Variants in KCNK2 observed in about 807,000 individuals in gnomAD.
The protein encoded by KCNK2 is potassium two pore domain channel subfamily K member 2, also known as potassium channel subfamily K member 2.
Under a neutral mutation model 40.5 loss-of-function variants are expected in KCNK2, and 21 were observed. That is an observed-to-expected ratio of 0.52 (90% CI 0.37 to 0.75). The LOEUF (loss-of-function observed/expected upper bound fraction) is 0.75. Ranked by LOEUF, KCNK2 falls within the 30% of genes least tolerant of loss-of-function variation. The pLI, the probability that KCNK2 is intolerant of heterozygous loss-of-function variation, is 0.00. For synonymous variants in KCNK2, 191 were observed against 202.2 expected (o/e 0.94, Z 0.47); for missense variants, 399 against 531.6 (o/e 0.75, Z 2.45).
intron 6 of KCNK2, among the ~76,000 whole-genome samples, chr1:215,201,884 C>G (rs2102673811): frequency 6.6e-6 from 1 of 152,096 alleles, no homozygotes; most frequent in South Asian, 2.1e-4. Context: ...TTCTTCCCAC[C>G]CTCCATCACT....
intron 1 of KCNK2, among the ~76,000 whole-genome samples, chr1:215,031,917 A>G (rs1657204953): frequency 6.6e-6 from 1 of 152,188 alleles, no homozygotes; most frequent in South Asian, 2.1e-4. Flanking sequence ...CTTTCAAATA[A>G]CATTATACTA....
At chr1:215,114,330 A>G (rs1660829024) in intron 2 of KCNK2, among the ~76,000 whole-genome samples, 1 of 152,078 alleles carries the variant, frequency 6.6e-6, no homozygotes, top group Non-Finnish European at 1.5e-5. Context: ...TTCAGCGCTG[A>G]TGGTTGTGGT....
rs758655657 is a variant in KCNK2, at chr1:215,083,319, G to A, written c.-67G>A. 3.7e-6 allele frequency: 6 copies of A among 1,610,586 alleles called. No homozygotes were observed. The South Asian group carries it at 6.6e-5, about 18-fold the overall frequency. ...TCTCTGAATAAGAAGTGAGTACAAT[G>A]GCGTGTTTGTAAAAAAAAGCTTCAA... On this transcript the variant is annotated 5_prime_UTR_variant, in exon 1 of 7. It removes an upstream start codon present in the reference 5' UTR. Coordinates refer to ENST00000444842, the MANE Select transcript of KCNK2 (RefSeq NM_001017425.3).
intron 3 of KCNK2, among the ~76,000 whole-genome samples, chr1:215,135,557 C>T (rs1341242350): frequency 6.6e-6 from 1 of 151,180 alleles, no homozygotes; most frequent in Non-Finnish European, 1.5e-5. Context: ...AATTCATACC[C>T]CTAATTTTTA....
intron 3 of KCNK2, among the ~76,000 whole-genome samples, chr1:215,138,202 G>GA (rs1214070789): frequency 2.6e-5 from 4 of 152,082 alleles, no homozygotes; most frequent in Non-Finnish European, 4.4e-5. Flanking sequence ...CTAAAAATAA[G>GA]AAAATCTCAT....
At chr1:215,149,674 G>T (rs893885945) in intron 3 of KCNK2, among the ~76,000 whole-genome samples, 1 of 152,208 alleles carries the variant, frequency 6.6e-6, no homozygotes, top group Admixed American at 6.5e-5. Flanking sequence ...CTAATCAGAA[G>T]TTAACTCAAT....
intron 1 of KCNK2, among the ~76,000 whole-genome samples, chr1:215,050,354 G>T (rs535020258): frequency 6.6e-6 from 1 of 152,102 alleles, no homozygotes; most frequent in African/African-American, 2.4e-5. Context: ...TTCCGAACTC[G>T]AAGATTTCTT....
intron 3 of KCNK2, among the ~76,000 whole-genome samples, chr1:215,132,410 A>G (rs1466446109): frequency 6.6e-6 from 1 of 152,140 alleles, no homozygotes; most frequent in Non-Finnish European, 1.5e-5. Flanking sequence ...AGTCTCTTGC[A>G]TGTTCTCAGA....
intron 2 of KCNK2, among the ~76,000 whole-genome samples, chr1:215,089,637 G>C (rs1659607462): frequency 6.6e-6 from 1 of 152,074 alleles, no homozygotes; most frequent in African/African-American, 2.4e-5. Flanking sequence ...AAGCATGTGT[G>C]TATGTACTAA....
chr1:215,156,308 G>A (rs1391758311), intron 3 of KCNK2, among the ~76,000 whole-genome samples: 1 of 152,188 alleles, frequency 6.6e-6, no homozygotes, highest in Non-Finnish European at 1.5e-5. Context: ...CCTCCTGTTA[G>A]ATGATCCCCT....
At chr1:215,064,689 C>A (rs188498352) in intron 1 of KCNK2, among the ~76,000 whole-genome samples, 69 of 152,246 alleles carry the variant, frequency 4.5e-4, no homozygotes, top group African/African-American at 1.4e-3. Flanking sequence ...CTAAGAGTAT[C>A]GTCTTCAGGG....
At chr1:215,116,643 T>C (rs1298564752) in intron 2 of KCNK2, among the ~76,000 whole-genome samples, 2 of 152,098 alleles carry the variant, frequency 1.3e-5, no homozygotes, top group African/African-American at 2.4e-5. Context: ...GAAGGAAATA[T>C]ATCAGAAGGT....
chr1:215,127,101 A>G (rs1661471720), intron 3 of KCNK2, among the ~76,000 whole-genome samples: 1 of 152,230 alleles, frequency 6.6e-6, no homozygotes, highest in African/African-American at 2.4e-5. Context: ...TATGACCTTT[A>G]GCAATAGCTG....
chr1:215,203,272 G>T (rs1665153555), intron 6 of KCNK2, among the ~76,000 whole-genome samples: 1 of 152,176 alleles, frequency 6.6e-6, no homozygotes, highest in African/African-American at 2.4e-5. Flanking sequence ...GAGGCCAACA[G>T]AACTGAGATT....
chr1:215,126,099 C>T (rs1233912833), intron 3 of KCNK2, among the ~76,000 whole-genome samples: 1 of 151,966 alleles, frequency 6.6e-6, no homozygotes, highest in Admixed American at 6.6e-5. Context: ...ACATGTATAA[C>T]ATTTTCATAT....
intron 2 of KCNK2, among the ~76,000 whole-genome samples, chr1:215,092,209 G>A (rs1377963809): frequency 6.6e-6 from 1 of 152,110 alleles, no homozygotes; most frequent in Non-Finnish European, 1.5e-5. Flanking sequence ...AGCTAATAGG[G>A]TTTGCTGATT....
chr1:215,064,281 A>AT (rs1177155434), intron 1 of KCNK2, among the ~76,000 whole-genome samples: 1 of 151,750 alleles, frequency 6.6e-6, no homozygotes, highest in Non-Finnish European at 1.5e-5. Context: ...ATTTTCAACA[A>AT]TTTTTTGTGC....
chr1:215,088,001 G>A (rs566873595), intron 2 of KCNK2, among the ~76,000 whole-genome samples: 1 of 152,162 alleles, frequency 6.6e-6, no homozygotes, highest in Non-Finnish European at 1.5e-5. Context: ...TGAAAATGCT[G>A]TTCACTTATA....
At chr1:215,045,209 C>CA (rs34843930) in intron 1 of KCNK2, among the ~76,000 whole-genome samples, 127,134 of 146,784 alleles carry the variant, frequency 0.87, 55,288 homozygotes, top group East Asian at 0.97. Context: ...AAACAAAAAC[C>CA]AAAAAAAAAA....
Sources: allele counts gnomAD v4.1 joint callset (sites outside exome capture counted in the v4.1 genomes callset), GRCh38; gene constraint gnomAD v4.1.1; transcripts MANE v1.5; gene names NCBI Gene and HGNC (gene_info 2026-07-23, HGNC 2026-07-21).